Variants in GUCY1B1 observed in about 807,000 individuals in gnomAD.
GUCY1B1 encodes guanylate cyclase 1 soluble subunit beta 1, also known as guanylate cyclase soluble subunit beta-1.
In GUCY1B1, 43 loss-of-function variants were observed where a neutral mutation model predicts 71.0. That is an observed-to-expected ratio of 0.61 (90% CI 0.47 to 0.78). The LOEUF is 0.78. GUCY1B1 is among the 30% of genes least tolerant of loss of function. GUCY1B1 has a pLI of 0.00. For missense variants in GUCY1B1, 535 were observed against 754.1 expected, an observed-to-expected ratio of 0.71 and a Z score of 3.40; for synonymous variants, 266 against 259.7, an observed-to-expected ratio of 1.02 and a Z score of -0.23.
At chr4:155,787,664 G>T (rs539549209) in intron 4 of GUCY1B1, among the ~76,000 whole-genome samples, 1 of 152,124 alleles carries the variant, frequency 6.6e-6, no homozygotes, top group Non-Finnish European at 1.5e-5. Context: ...AAGCCCACAT[G>T]ACACAGTGTA....
Position 155,805,125 on chromosome 4 carries a change from T to C in GUCY1B1, c.1732T>C (p.Ser578Pro). ...TAGATGTCTTATGTCTCCAGAAAAT[T>C]CAGATCCACAATTCCACTTGGAGCA... is the stretch of plus-strand genomic sequence containing the variant. The part of the protein sequence containing the change: ...TYRCLMSPEN[S>P]DPQFHLEHRG... The change falls in exon 13 of 14, where the codon TCA becomes CCA. Residue 578 changes from serine (S) to proline (P), a missense_variant. Physicochemically the swap from Ser to Pro is moderately conservative, Grantham distance 74. Coordinates refer to ENST00000264424, the MANE Select transcript of GUCY1B1 (RefSeq NM_000857.5). 6.2e-7 allele frequency: 1 copy of C among 1,612,202 alleles called. No homozygotes were observed. The highest frequency in any genetic ancestry group is 8.5e-7 in the Non-Finnish European group (1 of 1,178,668).
At chr4:155,800,196 A>C in intron 9 of GUCY1B1, 122 bp downstream of exon 9, 1 of 538,514 alleles carries the variant, frequency 1.9e-6, no homozygotes, top group Non-Finnish European at 3.2e-6. Flanking sequence ...GTAGTAAATA[A>C]AATCTTTCAC....
At chr4:155,784,784 T>G (rs1002271323) in intron 4 of GUCY1B1, among the ~76,000 whole-genome samples, 1 of 152,184 alleles carries the variant, frequency 6.6e-6, no homozygotes, top group African/African-American at 2.4e-5. Context: ...TTTAATTAGA[T>G]GTCCTTGAAA....
rs764950249 is a variant in GUCY1B1 at position 155,805,124 on chromosome 4, T to G, written c.1731T>G (p.Asn577Lys). ...TTAGATGTCTTATGTCTCCAGAAAA[T>G]TCAGATCCACAATTCCACTTGGAGC... is the stretch of plus-strand genomic sequence containing the variant. ...YTYRCLMSPE[N>K]SDPQFHLEHR... The change falls in exon 13 of 14, where the codon AAT becomes AAG. Residue 577 changes from asparagine (N) to lysine (K), a missense_variant. Asn to Lys is a moderately conservative substitution (Grantham distance 94, BLOSUM62 0). Transcript: ENST00000264424. 18 of 1,612,052 alleles carry G rather than the reference T, an allele frequency of 1.1e-5. No individual in the cohort carries two copies. In the South Asian group the frequency reaches 1.4e-4, roughly 13 times the overall value.
In GUCY1B1 at chr4:155,786,271, CTT is replaced by C. The variant is rs33996424; in HGVS notation, c.298-3424_298-3423del. ...TGAAGTTATTGTTTGGTTCAATTTCCTTTTTTTTTTTTTTTTTTTTGAGGCAG... is the reference window on the plus strand; with the variant it reads ...TGAAGTTATTGTTTGGTTCAATTTCCTTTTTTTTTTTTTTTTTTGAGGCAG... On this transcript the variant is annotated intron_variant, in intron 4 of 13. Transcript: ENST00000264424. Among the ~76,000 whole-genome samples the C allele has an allele frequency of 9.7e-5, 12 of 123,792 alleles. No individual in the cohort carries two copies. In the East Asian group the frequency reaches 1.6e-3, roughly 17 times the overall value. 81.2% of individuals were successfully genotyped at this position (123,792 alleles called of 152,430 possible). A position where few individuals can be genotyped will look rare whatever the true frequency, so the allele number is the denominator to read the frequency against.
At chr4:155,796,888 C>T (rs1579248810) in intron 8 of GUCY1B1, among the ~76,000 whole-genome samples, 2 of 152,198 alleles carry the variant, frequency 1.3e-5, no homozygotes, top group South Asian at 4.2e-4. Context: ...GTATATTTGA[C>T]ATCAAAAATT....
At chr4:155,771,293 G>A in intron 2 of GUCY1B1, among the ~76,000 whole-genome samples, 1 of 152,190 alleles carries the variant, frequency 6.6e-6, no homozygotes, top group East Asian at 1.9e-4. Context: ...AGGAAGTAAA[G>A]CTTTGATGAT....
intron 2 of GUCY1B1, among the ~76,000 whole-genome samples, chr4:155,767,590 T>A (rs1004503297): frequency 6.6e-6 from 1 of 152,114 alleles, no homozygotes. Context: ...TTATTGTTAC[T>A]GTTTACAGTG....
At chr4:155,804,483 A>G (rs758934665) in intron 11 of GUCY1B1, 110 bp from the exon 12 acceptor site, 3 of 797,182 alleles carry the variant, frequency 3.8e-6, no homozygotes, top group Non-Finnish European at 4.1e-6. Flanking sequence ...TACCTATGTA[A>G]CAAACCTGCA....
At chr4:155,787,104 G>C (rs1036813531) in intron 4 of GUCY1B1, among the ~76,000 whole-genome samples, 1 of 152,004 alleles carries the variant, frequency 6.6e-6, no homozygotes, top group Non-Finnish European at 1.5e-5. Flanking sequence ...AGTATAAGGG[G>C]TCTGAGAGGG....
intron 1 of GUCY1B1, chr4:155,759,554 G>T: frequency 3.7e-6 from 2 of 541,996 alleles, no homozygotes; most frequent in South Asian, 2.5e-5. Flanking sequence ...GAGGAGGGTG[G>T]GAAGATAGCG....
Position 155,802,130 on chromosome 4 carries a change from T to C in GUCY1B1, c.1176-212T>C. On this transcript the variant is annotated intron_variant, in intron 9 of 13. Transcript: ENST00000264424. This position sits in a 1 kb window ranked among gnomAD's most constrained non-coding sequence, Gnocchi z 4.3. The stretch of plus-strand genomic sequence containing the variant: ...AACTAGTTTGGGCTTGCGGATGTCT[T>C]ATGTGATTAGGATGAACAAATAATT... 2 of 1,142,888 alleles carry C rather than the reference T, an allele frequency of 1.7e-6. No individual in the cohort carries two copies. Among genetic ancestry groups the C allele is most frequent in the African/African-American group, 1.6e-5 (1 of 64,272 alleles). The allele number at this position is 1,142,888 out of a possible 1,614,324, so 70.8% of individuals were successfully genotyped here.
intron 1 of GUCY1B1, 184 bp from the exon 2 acceptor site, chr4:155,759,603 G>A (rs1380196636): frequency 1.8e-6 from 1 of 550,620 alleles, no homozygotes; most frequent in Non-Finnish European, 3.2e-6. Flanking sequence ...AATCCACCAG[G>A]GATTGGGGGG....
intron 2 of GUCY1B1, among the ~76,000 whole-genome samples, chr4:155,766,962 T>A (rs1288076324): frequency 1.3e-5 from 2 of 152,204 alleles, no homozygotes; most frequent in Non-Finnish European, 2.9e-5. Context: ...ATACTCATTA[T>A]CTCAGTTAAT....
At chr4:155,797,256 AAC>A (rs1289017180) in intron 8 of GUCY1B1, among the ~76,000 whole-genome samples, 2 of 152,214 alleles carry the variant, frequency 1.3e-5, no homozygotes, top group South Asian at 2.1e-4. Flanking sequence ...ATTATGTAGT[AAC>A]ACAGTCAAGA....
Position 155,804,598 on chromosome 4 carries a change from A to C in GUCY1B1, c.1560A>C (p.Thr520=), listed in dbSNP as rs748760086. The C allele has an allele frequency of 6.2e-7, 1 of 1,610,994 alleles. No individual in the cohort carries two copies. The highest frequency in any genetic ancestry group is 8.5e-7 in the Non-Finnish European group (1 of 1,178,060). The change falls in exon 12 of 14, where the codon ACA becomes ACC. Residue 520 remains threonine, a synonymous_variant. Transcript: ENST00000264424. ...VQVDGESVQI[T]IGIHTGEVVT... ...CAAAGCTTTCTTTTTTGCAGATAAC[A>C]ATAGGGATACACACTGGAGAGGTAG...
chr4:155,796,691 C>T (rs1193949615), intron 8 of GUCY1B1, among the ~76,000 whole-genome samples, 181 bp downstream of exon 8: 1 of 152,108 alleles, frequency 6.6e-6, no homozygotes, highest in Admixed American at 6.5e-5. Context: ...CTAATAAACT[C>T]AGAAGAAATC....
At chr4:155,784,476 A>AT (rs1407389281) in intron 4 of GUCY1B1, among the ~76,000 whole-genome samples, 1 of 152,142 alleles carries the variant, frequency 6.6e-6, no homozygotes, top group Non-Finnish European at 1.5e-5. Context: ...TTAACAAAAT[A>AT]TTTTTTAAAT....
In GUCY1B1 at chr4:155,803,610, A is replaced by G. The variant is rs886646637; in HGVS notation, c.1414-14A>G. 6.0e-6 allele frequency: 9 copies of G among 1,502,784 alleles called. No homozygotes were observed. The highest frequency in any genetic ancestry group is 8.0e-6 in the Non-Finnish European group (9 of 1,122,414). 93.1% of individuals were successfully genotyped at this position (1,502,784 alleles called of 1,614,324 possible). A position where few individuals can be genotyped will look rare whatever the true frequency, so the allele number is the denominator to read the frequency against. On this transcript the variant is annotated splice_polypyrimidine_tract_variant and intron_variant, in intron 10 of 13. Coordinates refer to ENST00000264424, the MANE Select transcript of GUCY1B1 (RefSeq NM_000857.5). ...TTATGCTAACCGTGAACATCTAAAT[A>G]TATGTACTGTTAGGTGGAGACTGTT...
Sources: gnomAD v4.1 joint callset for allele counts (sites outside exome capture counted in the v4.1 genomes callset) on GRCh38, gnomAD v4.1.1 for gene constraint, Gnocchi (gnomAD v3.1) non-coding constraint, MANE v1.5 for transcripts, NCBI Gene and HGNC (gene_info 2026-07-23, HGNC 2026-07-21) for gene names.